The following RCC2 variants were observed in gnomAD, a reference collection of about 807,000 sequenced individuals.
RCC2 encodes protein RCC2.
RCC2 carries 19 observed loss-of-function variants against 64.1 expected under a neutral mutation model. That is an observed-to-expected ratio of 0.30 (90% CI 0.21 to 0.44). The LOEUF (loss-of-function observed/expected upper bound fraction) is 0.44. Ranked by LOEUF, RCC2 falls within the 20% of genes least tolerant of loss-of-function variation. RCC2 has a pLI of 1.00. For missense variants in RCC2, 508 were observed against 710.4 expected, an observed-to-expected ratio of 0.72 and a Z score of 3.24; for synonymous variants, 325 against 279.6, an observed-to-expected ratio of 1.16 and a Z score of -1.62.
At chr1:17,418,387 G>A (rs751225299) in intron 7 of RCC2, among the ~76,000 whole-genome samples, 8 of 152,078 alleles carry the variant, frequency 5.3e-5, no homozygotes, top group African/African-American at 1.7e-4. Context: ...GGCCGGGCGC[G>A]GTGGCTCGCG....
intron 2 of RCC2, among the ~76,000 whole-genome samples, chr1:17,435,949 T>C (rs963045852): frequency 7.0e-6 from 1 of 143,302 alleles, no homozygotes; most frequent in South Asian, 2.2e-4. Flanking sequence ...AAAACTTAAA[T>C]GTAGGGTGTG....
chr1:17,437,892 G>A (rs914079273), intron 2 of RCC2, among the ~76,000 whole-genome samples: 2 of 145,740 alleles, frequency 1.4e-5, no homozygotes, highest in African/African-American at 2.5e-5. Context: ...CCCGGGGCGG[G>A]GGGGGAGGGG....
rs1017057526 is a variant in RCC2, at chr1:17,408,325, C to G, written c.*765G>C. On this transcript the variant is annotated 3_prime_UTR_variant, in exon 13 of 13. Transcript: ENST00000375436. Reference sequence around the variant, plus strand: ...ACAGGGAGCCACCAAGCTGACTCAACTGATACAAATGTTCCCACCTCTGCC... The same window carrying G: ...ACAGGGAGCCACCAAGCTGACTCAAGTGATACAAATGTTCCCACCTCTGCC... 5 of 152,316 alleles carry G rather than the reference C, an allele frequency of 3.3e-5. No individual in the cohort carries two copies. Among genetic ancestry groups the G allele is most frequent in the Non-Finnish European group, 5.9e-5 (4 of 68,102 alleles). 9.4% of individuals were successfully genotyped at this position (152,316 alleles called of 1,614,324 possible).
At chr1:17,434,166 C>T (rs566168542) in intron 2 of RCC2, among the ~76,000 whole-genome samples, 1 of 152,218 alleles carries the variant, frequency 6.6e-6, no homozygotes, top group Non-Finnish European at 1.5e-5. Context: ...CATGCAACTT[C>T]CCAAATCCTT....
intron 2 of RCC2, among the ~76,000 whole-genome samples, chr1:17,433,834 G>A (rs889121569): frequency 1.3e-5 from 2 of 152,142 alleles, no homozygotes; most frequent in African/African-American, 2.4e-5. Context: ...CCGCTGCTCC[G>A]GGGAGGTAAG....
intron 11 of RCC2, among the ~76,000 whole-genome samples, chr1:17,411,575 C>T (rs969656305): frequency 8.1e-5 from 11 of 136,040 alleles, no homozygotes; most frequent in African/African-American, 2.7e-4. Context: ...AGAGAAACTC[C>T]ATCTCAAAAA....
At chr1:17,439,230 C>T (rs770261669) in intron 1 of RCC2, among the ~76,000 whole-genome samples, 5 of 151,890 alleles carry the variant, frequency 3.3e-5, no homozygotes, top group Non-Finnish European at 7.4e-5. Flanking sequence ...TCTCTCCCAG[C>T]CCCCTTGCCG....
chr1:17,421,390 G>T (rs1326012370), intron 6 of RCC2, among the ~76,000 whole-genome samples: 1 of 152,056 alleles, frequency 6.6e-6, no homozygotes, highest in African/African-American at 2.4e-5. Context: ...AGCTACTCGG[G>T]AGGCTGAGGC....
At chr1:17,414,997 G>A (rs765744452) in intron 8 of RCC2, among the ~76,000 whole-genome samples, 2 of 152,202 alleles carry the variant, frequency 1.3e-5, no homozygotes, top group Non-Finnish European at 2.9e-5. Flanking sequence ...TGAACTCAGA[G>A]ACACTTCAAG....
chr1:17,424,514 A>G (rs1480916098), intron 4 of RCC2, among the ~76,000 whole-genome samples: 1 of 152,236 alleles, frequency 6.6e-6, no homozygotes, highest in African/African-American at 2.4e-5. Context: ...TGGCAATGTC[A>G]GCATGTCATC....
intron 11 of RCC2, among the ~76,000 whole-genome samples, chr1:17,411,235 G>T (rs908961434): frequency 1.3e-5 from 2 of 151,960 alleles, no homozygotes; most frequent in African/African-American, 4.8e-5. Context: ...AGTGTAGGCA[G>T]ATCAGGATGC....
At position 17,422,723 on chromosome 1, in the gene RCC2, G is replaced by A. The variant is rs764207854; in HGVS notation, c.637C>T (p.His213Tyr). Reference sequence around the variant, plus strand: ...TCCTTACCCGTCAAGGCCAAGGTGTGGTTCCGCCCACATGCTGCAGACACA... The same window carrying A: ...TCCTTACCCGTCAAGGCCAAGGTGTAGTTCCGCCCACATGCTGCAGACACA... ...VIVSAACGRN[H>Y]TLALTETGSV... Residue 213 changes from histidine to tyrosine, a missense_variant, in exon 5 of 13, where the codon CAC becomes TAC. Transcript: ENST00000375436. 12 of 1,613,974 alleles carry A rather than the reference G, an allele frequency of 7.4e-6. No individual in the cohort carries two copies. The highest frequency in any genetic ancestry group is 6.7e-5 in the Admixed American group (4 of 59,992).
At chr1:17,435,359 G>A (rs2075725378) in intron 2 of RCC2, among the ~76,000 whole-genome samples, 1 of 152,206 alleles carries the variant, frequency 6.6e-6, no homozygotes, top group Non-Finnish European at 1.5e-5. Flanking sequence ...GACATTTCCT[G>A]GGCGGCTGCT....
intron 2 of RCC2, among the ~76,000 whole-genome samples, chr1:17,431,467 G>C (rs1206935671): frequency 2.1e-5 from 2 of 95,058 alleles, no homozygotes; most frequent in South Asian, 3.9e-4. Context: ...AGGAGTTCAA[G>C]ACCAACCATG....
At chr1:17,424,498 A>G (rs1040611375) in intron 4 of RCC2, among the ~76,000 whole-genome samples, 2 of 152,252 alleles carry the variant, frequency 1.3e-5, no homozygotes, top group Non-Finnish European at 1.5e-5. Flanking sequence ...GAGAAAACAA[A>G]AACTGTGGCA....
At chr1:17,415,845 G>T (rs1372942312) in intron 8 of RCC2, among the ~76,000 whole-genome samples, 1 of 151,570 alleles carries the variant, frequency 6.6e-6, no homozygotes, top group East Asian at 2.0e-4. Context: ...GAGGTGGGCA[G>T]ATCACCTGAG....
At chr1:17,437,694 G>GC (rs1242400908) in intron 2 of RCC2, among the ~76,000 whole-genome samples, 5 of 1,144 alleles carry the variant, frequency 4.4e-3, no homozygotes, top group South Asian at 0.05. Context: ...CGGCCGTCAG[G>GC]CCCCGCCCCC....
intron 3 of RCC2, among the ~76,000 whole-genome samples, chr1:17,426,027 C>G (rs1279472645): frequency 6.6e-6 from 1 of 152,156 alleles, no homozygotes; most frequent in Non-Finnish European, 1.5e-5. Context: ...CCCGCAAGTG[C>G]CCGGGACCTG....
intron 7 of RCC2, among the ~76,000 whole-genome samples, chr1:17,419,037 G>A (rs1387862607): frequency 2.0e-5 from 3 of 152,146 alleles, no homozygotes; most frequent in South Asian, 4.1e-4. Context: ...TCCCTCTAGA[G>A]GGGTGACAGC....
Sources: allele counts gnomAD v4.1 joint callset (sites outside exome capture counted in the v4.1 genomes callset), GRCh38; gene constraint gnomAD v4.1.1; transcripts MANE v1.5; gene names NCBI Gene and HGNC (gene_info 2026-07-23, HGNC 2026-07-21).